The following GAL3ST2 variants were observed in gnomAD, a reference collection of about 807,000 sequenced individuals.
GAL3ST2 encodes galactose-3-O-sulfotransferase 2.
GAL3ST2 carries 16 observed loss-of-function variants against 12.9 expected under a neutral mutation model. The ratio of observed to expected loss-of-function variants is 1.24; its 90% CI spans 0.84 to 1.88. The LOEUF is 1.88. Ranked by LOEUF, GAL3ST2 falls within the 40% of genes most tolerant of loss-of-function variation. GAL3ST2 has a pLI of 0.00. For missense variants in GAL3ST2, 639 were observed against 571.8 expected (o/e 1.12, Z -1.20); for synonymous variants, 302 against 273.9 (o/e 1.10, Z -1.01).
rs1349233002 is a variant in GAL3ST2, at chr2:241,803,631, T to A, written c.662T>A (p.Phe221Tyr). 8 of 1,553,878 alleles carry A rather than the reference T, an allele frequency of 5.1e-6. No individual in the cohort carries two copies. The highest frequency in any genetic ancestry group is 7.0e-6 in the Non-Finnish European group (8 of 1,148,520). ...RARIAEVERRFRLVLIAEHLD... is the reference protein window; with the variant it reads ...RARIAEVERRYRLVLIAEHLD... The stretch of plus-strand genomic sequence containing the variant: ...CGCATCGCCGAGGTGGAGCGGCGCT[T>A]CCGGCTGGTGCTCATCGCCGAGCAC... The change falls in exon 4 of 4, where the codon TTC (phenylalanine) becomes TAC (tyrosine). Residue 221 changes from phenylalanine to tyrosine, a missense_variant. By Grantham distance (22) the Phe-to-Tyr change is conservative. Coordinates refer to ENST00000192314, the MANE Select transcript of GAL3ST2 (RefSeq NM_022134.3).
At position 241,799,274 on chromosome 2, in the gene GAL3ST2, G is replaced by A. The variant is rs1699814909; in HGVS notation, c.119+120G>A. 6 of 882,932 alleles carry A rather than the reference G, an allele frequency of 6.8e-6. No individual in the cohort carries two copies. The South Asian group carries it at 7.1e-5, about 10-fold the overall frequency. The allele number at this position is 882,932 out of a possible 1,614,324, so 54.7% of individuals were successfully genotyped here. ...GGGCCTGTCTCCCTCTGGAAGAGGA[G>A]GGGTGGATGGGCCCTTCCTTGGGGG... is the stretch of plus-strand genomic sequence containing the variant. On this transcript the variant is annotated intron_variant, in intron 2 of 3. Transcript: ENST00000192314.
At chr2:241,785,401 A>G (rs1699616679) in intron 1 of GAL3ST2, among the ~76,000 whole-genome samples, 1 of 152,040 alleles carries the variant, frequency 6.6e-6, no homozygotes, top group African/African-American at 2.4e-5. Flanking sequence ...AAACTACAAA[A>G]AATTAGCCAG....
In GAL3ST2 at chr2:241,786,139, T is replaced by TGTGTGTGTGTG. The variant is rs1553615798; in HGVS notation, c.29+9155_29+9156insGTGTGTGTGTG. ...ATCTTTCTCCCCCACCACACACCTT[T>TGTGTGTGTGTG]TGTGTGTGTGTGTGTGTGTGTGTGT... is the stretch of plus-strand genomic sequence containing the variant. On this transcript the variant is annotated intron_variant, in intron 1 of 3. Transcript: ENST00000192314. Among the ~76,000 whole-genome samples the TGTGTGTGTGTG allele has an allele frequency of 2.6e-3, 383 of 145,946 alleles. 7 individuals carry two copies. The highest frequency in any genetic ancestry group is 0.02 in the Admixed American group (293 of 14,670).
At chr2:241,779,957 G>T (rs1699546774) in intron 1 of GAL3ST2, among the ~76,000 whole-genome samples, 1 of 151,410 alleles carries the variant, frequency 6.6e-6, no homozygotes, top group African/African-American at 2.4e-5. Flanking sequence ...TTGCACTCCA[G>T]CCTGGGCAAC....
intron 1 of GAL3ST2, among the ~76,000 whole-genome samples, chr2:241,784,084 A>G (rs1217691574): frequency 6.8e-6 from 1 of 146,990 alleles, no homozygotes; most frequent in Non-Finnish European, 1.5e-5. Context: ...CCCAGGCTGG[A>G]GTGCAGTGGT....
At position 241,795,758 on chromosome 2, in the gene GAL3ST2, C is replaced by T. The variant is rs955544676; in HGVS notation, c.30-3307C>T. Among the ~76,000 whole-genome samples, 2 of 152,234 alleles carry T rather than the reference C, an allele frequency of 1.3e-5. No homozygotes were observed. Among genetic ancestry groups the T allele is most frequent in the African/African-American group, 2.4e-5 (1 of 41,470 alleles). On this transcript the variant is annotated intron_variant, in intron 1 of 3. Transcript: ENST00000192314. The surrounding 1 kb of genome is among the most constrained non-coding windows in gnomAD (Gnocchi z 4.5). ...GAAAACATGTCCTCTCTCACGAAGACGTGGGTGTCTCCAGCGGGACCCTGA... is the reference window on the plus strand; with the variant it reads ...GAAAACATGTCCTCTCTCACGAAGATGTGGGTGTCTCCAGCGGGACCCTGA...
Position 241,801,943 on chromosome 2 carries a change from C to T in GAL3ST2, c.282C>T (p.Tyr94=). 6.2e-7 allele frequency: 1 copy of T among 1,613,026 alleles called. No homozygotes were observed. Among genetic ancestry groups the T allele is most frequent in the Non-Finnish European group, 8.5e-7 (1 of 1,179,934 alleles). ...LPAGSRVHLG[Y]PWLFLARYVE... ...CCGGCTCACGCGTCCACCTGGGCTA[C>T]CCCTGGCTCTTCCTGGCGCGCTACG... The change falls in exon 3 of 4, where the codon TAC becomes TAT. Residue 94 remains tyrosine, a synonymous_variant. Transcript: ENST00000192314. The surrounding 1 kb of genome is among the most constrained non-coding windows in gnomAD (Gnocchi z 4.4).
At chr2:241,785,570 A>T (rs1290369370) in intron 1 of GAL3ST2, among the ~76,000 whole-genome samples, 1 of 151,310 alleles carries the variant, frequency 6.6e-6, no homozygotes, top group Non-Finnish European at 1.5e-5. Context: ...AAAAAAAAAA[A>T]AGCTGAGACG....
At position 241,793,458 on chromosome 2, in the gene GAL3ST2, GTGTGTA is replaced by G. The variant is rs892526302; in HGVS notation, c.30-5598_30-5593del. 6.8e-5 allele frequency among the ~76,000 whole-genome samples: 10 copies of G among 147,058 alleles called. No homozygotes were observed. The highest frequency in any genetic ancestry group is 2.4e-4 in the African/African-American group (9 of 37,198). On this transcript the variant is annotated intron_variant, in intron 1 of 3. Coordinates refer to ENST00000192314, the MANE Select transcript of GAL3ST2 (RefSeq NM_022134.3). The surrounding 1 kb of genome is among the most constrained non-coding windows in gnomAD (Gnocchi z 4.7). Reference sequence around the variant, plus strand: ...ACGTGTATGTATGTACTGTGTATGCGTGTGTATGTGTATGCATGTGTATTATATGTA... The same window carrying G: ...ACGTGTATGTATGTACTGTGTATGCGTGTGTATGCATGTGTATTATATGTA...
intron 1 of GAL3ST2, among the ~76,000 whole-genome samples, chr2:241,790,008 A>G (rs1699675677): frequency 6.6e-6 from 1 of 152,056 alleles, no homozygotes; most frequent in Non-Finnish European, 1.5e-5. Flanking sequence ...TGCTTTATCA[A>G]TAACAATTAT....
Position 241,802,176 on chromosome 2 carries a change from G to GGGCC in GAL3ST2, c.375+142_375+145dup. 9.0e-7 allele frequency: 1 copy of GGGCC among 1,111,704 alleles called. No homozygotes were observed. Among genetic ancestry groups the GGGCC allele is most frequent in the Non-Finnish European group, 1.3e-6 (1 of 798,986 alleles). 68.9% of individuals were successfully genotyped at this position (1,111,704 alleles called of 1,614,324 possible). Reference sequence around the variant, plus strand: ...TGCAGAAGGCGGGTTGGGAGGGCCTGGGCCGCACGCCCTGCTGAGCCAACC... The same window carrying GGGCC: ...TGCAGAAGGCGGGTTGGGAGGGCCTGGGCCGGCCGCACGCCCTGCTGAGCCAACC... On this transcript the variant is annotated intron_variant, in intron 3 of 3. Transcript: ENST00000192314. The surrounding 1 kb of genome is among the most constrained non-coding windows in gnomAD (Gnocchi z 4.8).
intron 1 of GAL3ST2, 92 bp from the exon 2 acceptor site, chr2:241,798,973 T>A: frequency 1.0e-6 from 1 of 989,472 alleles, no homozygotes; most frequent in Non-Finnish European, 1.6e-6. Context: ...CAGACCTGTG[T>A]GGCCCAAGGC....
rs367571002 is a variant in GAL3ST2, at chr2:241,799,153, C to A, written c.118C>A (p.Pro40Thr). 14 of 1,613,270 alleles carry A rather than the reference C, an allele frequency of 8.7e-6. No homozygotes were observed. Among genetic ancestry groups the A allele is most frequent in the Non-Finnish European group, 1.0e-5 (12 of 1,179,702 alleles). The change falls in exon 2 of 4, where the codon CCC (proline) becomes ACC (threonine). Residue 40 changes from proline to threonine, a missense_variant and splice_region_variant. Pro to Thr is a conservative substitution (Grantham distance 38). Transcript: ENST00000192314. Reference sequence around the variant, plus strand: ...GCACTCGGACTTAGAGCTGGACACACCGTAAGTCCTGCCCCCACCATAAGT... The same window carrying A: ...GCACTCGGACTTAGAGCTGGACACAACGTAAGTCCTGCCCCCACCATAAGT... ...FLHSDLELDT[P>T]LFGGQAEGPP...
At chr2:241,780,185 G>A (rs760897484) in intron 1 of GAL3ST2, among the ~76,000 whole-genome samples, 4 of 151,848 alleles carry the variant, frequency 2.6e-5, no homozygotes, top group Non-Finnish European at 5.9e-5. Context: ...AAAACATTAG[G>A]CAAGACTAGA....
At chr2:241,796,665 C>T (rs1204714120) in intron 1 of GAL3ST2, among the ~76,000 whole-genome samples, 2 of 152,192 alleles carry the variant, frequency 1.3e-5, no homozygotes, top group Non-Finnish European at 2.9e-5. Context: ...GGAGCAGGGC[C>T]GGCTCTGGTC....
At chr2:241,791,780 G>A (rs557174262) in intron 1 of GAL3ST2, among the ~76,000 whole-genome samples, 2 of 152,258 alleles carry the variant, frequency 1.3e-5, no homozygotes, top group Admixed American at 1.3e-4. Context: ...GTCTTACCAT[G>A]ATTTGTCTTT....
rs898404537 is a variant in GAL3ST2 at position 241,801,405 on chromosome 2, AG to A, written c.120-371del. The A allele has an allele frequency of 6.8e-5, 20 of 295,852 alleles. No homozygotes were observed. The highest frequency in any genetic ancestry group is 4.1e-4 in the African/African-American group (19 of 45,828). 18.3% of individuals were successfully genotyped at this position (295,852 alleles called of 1,614,324 possible). On this transcript the variant is annotated intron_variant, in intron 2 of 3. Coordinates refer to ENST00000192314, the MANE Select transcript of GAL3ST2 (RefSeq NM_022134.3). The surrounding 1 kb of genome is among the most constrained non-coding windows in gnomAD (Gnocchi z 4.4). Reference sequence around the variant, plus strand: ...CTGCTGGGTCTAAACCGCAAAGGGGAGGGGGTGTGACGAGGCGTCTACCTCC... The same window carrying A: ...CTGCTGGGTCTAAACCGCAAAGGGGAGGGGTGTGACGAGGCGTCTACCTCC...
At chr2:241,777,476 C>T (rs999527652) in intron 1 of GAL3ST2, among the ~76,000 whole-genome samples, 2 of 152,090 alleles carry the variant, frequency 1.3e-5, no homozygotes, top group Admixed American at 1.3e-4. Flanking sequence ...CTTCTGTAAA[C>T]AGAGGGGAGG....
rs550044181 is a variant in GAL3ST2 at position 241,795,610 on chromosome 2, G to T, written c.30-3455G>T. Among the ~76,000 whole-genome samples the T allele has an allele frequency of 2.4e-4, 36 of 152,148 alleles. No homozygotes were observed. The South Asian group carries it at 7.5e-3, about 32-fold the overall frequency. The stretch of plus-strand genomic sequence containing the variant: ...AGTTAATCTCTAACTGTGCGGAGCC[G>T]TAAAACTGCCCTTCCCACCTCGTGC... On this transcript the variant is annotated intron_variant, in intron 1 of 3. Transcript: ENST00000192314. The surrounding 1 kb of genome is among the most constrained non-coding windows in gnomAD (Gnocchi z 4.5).
Sources: allele counts gnomAD v4.1 joint callset (sites outside exome capture counted in the v4.1 genomes callset), GRCh38; gene constraint gnomAD v4.1.1; non-coding constraint Gnocchi (gnomAD v3.1); transcripts MANE v1.5; gene names NCBI Gene and HGNC (gene_info 2026-07-23, HGNC 2026-07-21).